Variants in SOX30 observed in about 807,000 individuals in gnomAD.
The protein encoded by SOX30 is transcription factor SOX-30.
A neutral mutation model predicts 58.6 loss-of-function variants in SOX30; 17 were observed. The ratio of observed to expected loss-of-function variants is 0.29; its 90% CI spans 0.20 to 0.44. SOX30 has a LOEUF of 0.44. Ranked by LOEUF, SOX30 falls within the 20% of genes least tolerant of loss-of-function variation. The probability of loss-of-function intolerance (pLI) is 1.00; values close to 1 mark genes in which losing one functional copy is unlikely to be tolerated. For synonymous variants in SOX30, 421 were observed against 400.2 expected (o/e 1.05, Z -0.62); for missense variants, 951 against 965.8 (o/e 0.98, Z 0.20).
At chr5:157,665,544 C>T (rs1440754019) in intron 2 of SOX30, among the ~76,000 whole-genome samples, 1 of 151,408 alleles carries the variant, frequency 6.6e-6, no homozygotes, top group Non-Finnish European at 1.5e-5. Context: ...CACATGTATA[C>T]ATATGTAACA....
At chr5:157,660,990 A>G (rs1187130622) in intron 2 of SOX30, among the ~76,000 whole-genome samples, 4 of 152,236 alleles carry the variant, frequency 2.6e-5, no homozygotes, top group Non-Finnish European at 5.9e-5. Flanking sequence ...ACAATGTTTT[A>G]TAATTTTCAG....
At chr5:157,639,537 T>C (rs1759012632) in intron 3 of SOX30, among the ~76,000 whole-genome samples, 1 of 152,206 alleles carries the variant, frequency 6.6e-6, no homozygotes, top group Non-Finnish European at 1.5e-5. Context: ...AGGAATACTA[T>C]TGCAGCAGAG....
At position 157,626,427 on chromosome 5, in the gene SOX30, G is replaced by C. The variant is rs1327047798; in HGVS notation, c.2175C>G (p.Ala725=). The C allele has an allele frequency of 8.1e-6, 13 of 1,614,050 alleles. No homozygotes were observed. The highest frequency in any genetic ancestry group is 1.3e-5 in the African/African-American group (1 of 75,010). Residue 725 remains alanine (A), a synonymous_variant, in exon 5 of 5, where the codon GCC becomes GCG. Transcript: ENST00000265007. The part of the protein sequence containing the change: ...DIGTLENVFT[A]PTSTPSSIQQ... Reference sequence around the variant, plus strand: ...GGATGCTAGAAGGAGTTGATGTCGGGGCTGTGAAGACATTCTCCAAGGTTC... The same window carrying C: ...GGATGCTAGAAGGAGTTGATGTCGGCGCTGTGAAGACATTCTCCAAGGTTC...
At chr5:157,660,704 C>T (rs1278366124) in intron 2 of SOX30, among the ~76,000 whole-genome samples, 3 of 151,866 alleles carry the variant, frequency 2.0e-5, no homozygotes, top group Non-Finnish European at 4.4e-5. Context: ...ATTACTCTAG[C>T]TTTATGGTAA....
intron 4 of SOX30, among the ~76,000 whole-genome samples, chr5:157,629,193 G>C (rs1384332059): frequency 6.6e-6 from 1 of 152,042 alleles, no homozygotes; most frequent in Non-Finnish European, 1.5e-5. Flanking sequence ...GATAATCAAG[G>C]TGACAGATAA....
Position 157,651,127 on chromosome 5 carries a change from A to G in SOX30, c.952T>C (p.Leu318=), listed in dbSNP as rs1382504970. The change falls in exon 1 of 5, where the codon TTG becomes CTG. Residue 318 remains leucine (L), a synonymous_variant. Transcript: ENST00000265007. ...IETKDVPLTV[L]PSDAGIPDTP... ...TGTCTAATACCTGCATCTGAGGGCAACACGGTGAGCGGGACATCTTTGGTT... is the reference window on the plus strand; with the variant it reads ...TGTCTAATACCTGCATCTGAGGGCAGCACGGTGAGCGGGACATCTTTGGTT... 1 of 1,548,094 alleles carries G rather than the reference A, an allele frequency of 6.5e-7. No individual in the cohort carries two copies. The highest frequency in any genetic ancestry group is 8.7e-7 in the Non-Finnish European group (1 of 1,147,164).
intron 2 of SOX30, 108 bp from the exon 3 acceptor site, chr5:157,646,924 TGTCTA>T: frequency 1.3e-6 from 1 of 786,254 alleles, no homozygotes; most frequent in East Asian, 2.6e-5. Context: ...AACAAATTAT[TGTCTA>T]AAGTATCTTT....
intron 4 of SOX30, among the ~76,000 whole-genome samples, chr5:157,636,914 G>A (rs1419289397): frequency 6.6e-6 from 1 of 152,094 alleles, no homozygotes; most frequent in East Asian, 1.9e-4. Context: ...GATTATCTGA[G>A]GTCGGGAGTT....
At chr5:157,653,011 C>G (rs1244923991), upstream of SOX30, among the ~76,000 whole-genome samples, 1 of 152,194 alleles carries the variant, frequency 6.6e-6, no homozygotes, top group African/African-American at 2.4e-5. Context: ...GGGATCTAAC[C>G]TCCTACTACT....
At chr5:157,664,410 G>C (rs1316570160) in intron 2 of SOX30, among the ~76,000 whole-genome samples, 1 of 152,178 alleles carries the variant, frequency 6.6e-6, no homozygotes, top group Non-Finnish European at 1.5e-5. Flanking sequence ...GCTGAAACTG[G>C]ATCCCTTCCT....
chr5:157,658,371 G>C (rs1759518472), intron 2 of SOX30, among the ~76,000 whole-genome samples: 1 of 152,164 alleles, frequency 6.6e-6, no homozygotes, highest in Admixed American at 6.5e-5. Flanking sequence ...AGTCTCATCA[G>C]TTGTTTTTAA....
At chr5:157,664,887 A>G (rs1432633986) in intron 2 of SOX30, among the ~76,000 whole-genome samples, 1 of 152,230 alleles carries the variant, frequency 6.6e-6, no homozygotes, top group Non-Finnish European at 1.5e-5. Flanking sequence ...GCAAATCAAA[A>G]CTGCAATGAG....
At chr5:157,646,356 G>A (rs1296124574) in intron 3 of SOX30, among the ~76,000 whole-genome samples, 2 of 152,232 alleles carry the variant, frequency 1.3e-5, no homozygotes, top group East Asian at 3.9e-4. Flanking sequence ...AATTACCTCA[G>A]TTATTTCCTG....
At chr5:157,646,167 T>A (rs1195655564) in intron 3 of SOX30, among the ~76,000 whole-genome samples, 1 of 152,138 alleles carries the variant, frequency 6.6e-6, no homozygotes. Context: ...GAGATTAATA[T>A]AATGAACCAA....
chr5:157,661,817 G>T (rs180734714), intron 2 of SOX30, among the ~76,000 whole-genome samples: 2 of 152,146 alleles, frequency 1.3e-5, no homozygotes, highest in African/African-American at 4.8e-5. Flanking sequence ...GACGAGTGTT[G>T]TTCTATAATT....
chr5:157,643,193 G>A (rs1759112258), intron 3 of SOX30, among the ~76,000 whole-genome samples: 1 of 152,120 alleles, frequency 6.6e-6, no homozygotes. Context: ...GGAGGCAGAG[G>A]TGGGCAGATC....
At chr5:157,654,056 C>T (rs1355253032), upstream of SOX30, among the ~76,000 whole-genome samples, 3 of 151,718 alleles carry the variant, frequency 2.0e-5, no homozygotes, top group Admixed American at 6.6e-5. Context: ...ATTCCAGCTA[C>T]TCGGGAGGCT....
chr5:157,652,348 C>T lies in SOX30; in HGVS notation c.-270G>A. On this transcript the variant is annotated 5_prime_UTR_variant, in exon 1 of 5. It adds an upstream start codon to the 5' untranslated region. Coordinates refer to ENST00000265007, the MANE Select transcript of SOX30 (RefSeq NM_178424.2). ...ACCTGCCATGGTAGGAGCCGCCGCA[C>T]TTGTTGCACATTTTCGTTCTGACTC... 5.9e-6 allele frequency: 7 copies of T among 1,192,732 alleles called. No homozygotes were observed. The highest frequency in any genetic ancestry group is 8.5e-5 in the South Asian group (2 of 23,454). 73.9% of individuals were successfully genotyped at this position (1,192,732 alleles called of 1,614,324 possible).
intron 2 of SOX30, 49 bp from the exon 3 acceptor site, chr5:157,646,865 A>AAAT: frequency 7.2e-7 from 1 of 1,394,872 alleles, no homozygotes; most frequent in Non-Finnish European, 1.0e-6. Context: ...TTTAGCCTTT[A>AAAT]AATAATTTTT....
Sources: gnomAD v4.1 joint callset for allele counts (sites outside exome capture counted in the v4.1 genomes callset) on GRCh38, gnomAD v4.1.1 for gene constraint, MANE v1.5 for transcripts, NCBI Gene and HGNC (gene_info 2026-07-23, HGNC 2026-07-21) for gene names.